The following SMAD4 variants were observed in gnomAD, a reference collection of about 807,000 sequenced individuals.
The protein encoded by SMAD4 is MAD homolog 4.
In SMAD4, 7 loss-of-function variants were observed where a neutral mutation model predicts 63.2. That is an observed-to-expected ratio of 0.11 (90% CI 0.06 to 0.21). SMAD4 has a LOEUF of 0.21. Among genes scored for constraint, SMAD4 ranks in the 10% least tolerant of loss-of-function variants. The pLI, the probability that SMAD4 is intolerant of heterozygous loss-of-function variation, is 1.00. For missense variants in SMAD4, 312 were observed against 693.8 expected (o/e 0.45, Z 6.18); for synonymous variants, 215 against 235.4 (o/e 0.91, Z 0.79).
rs1163325479 is a variant in SMAD4 at position 51,048,724 on chromosome 18, C to T, written c.288C>T (p.Ala96=). 1.9e-6 allele frequency: 3 copies of T among 1,613,972 alleles called. No individual in the cohort carries two copies. The South Asian group carries it at 3.3e-5, about 18-fold the overall frequency. The change falls in exon 3 of 12, where the codon GCC becomes GCT. Residue 96 remains alanine, a synonymous_variant. Transcript: ENST00000342988. ...AAGGATTTCCTCATGTGATCTATGC[C>T]CGTCTCTGGAGGTGGCCTGATCTTC... ...GRKGFPHVIY[A]RLWRWPDLHK...
intron 1 of SMAD4, among the ~76,000 whole-genome samples, chr18:51,042,316 CCTCCCTCCCTCCCTCT>C (rs1488533205): frequency 3.3e-5 from 3 of 91,980 alleles, no homozygotes; most frequent in South Asian, 3.9e-4. Context: ...TCCCTCCCTC[CCTCCCTCCCTCCCTCT>C]CTCCCTCTCT....
intron 1 of SMAD4, among the ~76,000 whole-genome samples, chr18:51,033,709 T>C (rs1305495098): frequency 1.3e-5 from 2 of 152,224 alleles, no homozygotes; most frequent in Non-Finnish European, 2.9e-5. Flanking sequence ...TTGTTTTCTC[T>C]TTCTAAAATG....
intron 10 of SMAD4, among the ~76,000 whole-genome samples, chr18:51,068,783 T>G (rs1351309059): frequency 6.6e-6 from 1 of 151,866 alleles, no homozygotes; most frequent in Non-Finnish European, 1.5e-5. Flanking sequence ...TAGCTGGGTG[T>G]GGTGGTGCAT....
chr18:51,043,128 G>A (rs981870839), intron 1 of SMAD4, among the ~76,000 whole-genome samples: 6 of 152,096 alleles, frequency 3.9e-5, no homozygotes, highest in Non-Finnish European at 5.9e-5. Flanking sequence ...TTCAAAATAT[G>A]TTTAAGTAGT....
intron 1 of SMAD4, among the ~76,000 whole-genome samples, chr18:51,031,836 A>G (rs1242068429): frequency 6.6e-6 from 1 of 152,176 alleles, no homozygotes; most frequent in Non-Finnish European, 1.5e-5. Context: ...CATACCCTGC[A>G]GAGACTAGAT....
At chr18:51,045,137 A>T (rs1412700827) in intron 1 of SMAD4, 1 of 152,220 alleles carries the variant, frequency 6.6e-6, no homozygotes, top group African/African-American at 2.4e-5. Flanking sequence ...TGAGGTAAAG[A>T]ATCTTGTAAC....
At chr18:51,070,883 T>C (rs1231022064) in intron 10 of SMAD4, among the ~76,000 whole-genome samples, 1 of 152,182 alleles carries the variant, frequency 6.6e-6, no homozygotes, top group African/African-American at 2.4e-5. Flanking sequence ...GTAATGATGC[T>C]GGGATATTGT....
chr18:51,037,450 C>T (rs1027014722), intron 1 of SMAD4, among the ~76,000 whole-genome samples: 1 of 152,170 alleles, frequency 6.6e-6, no homozygotes, highest in Non-Finnish European at 1.5e-5. Flanking sequence ...TTTAAAATGA[C>T]TCTAGGCAGT....
chr18:51,069,794 T>G (rs1599199003), intron 10 of SMAD4, among the ~76,000 whole-genome samples: 1 of 152,216 alleles, frequency 6.6e-6, no homozygotes. Flanking sequence ...TATGGGCAGG[T>G]GCCCACTTGT....
chr18:51,066,851 G>A (rs1363699266), intron 9 of SMAD4, 168 bp from the exon 10 acceptor site: 1 of 607,132 alleles, frequency 1.6e-6, no homozygotes, highest in East Asian at 2.9e-5. Flanking sequence ...TATTAGATAT[G>A]AACAGGAAAA....
intron 5 of SMAD4, among the ~76,000 whole-genome samples, chr18:51,057,784 T>C (rs1909881755): frequency 6.6e-6 from 1 of 152,224 alleles, no homozygotes; most frequent in Admixed American, 6.5e-5. Context: ...GAGAGGTGGA[T>C]GGAGTGGCCA....
chr18:51,073,388 T>TATATATATATATATATATACACACAC (rs1417299090), intron 10 of SMAD4, among the ~76,000 whole-genome samples: 1 of 64,186 alleles, frequency 1.6e-5, no homozygotes, highest in African/African-American at 7.6e-5. Context: ...TATATATATA[T>TATATATATATATATATATACACACAC]ACACACACAC....
chr18:51,065,530 G>A lies in SMAD4; in HGVS notation c.1063G>A (p.Asp355Asn), dbSNP rs2144447235. 6.2e-7 allele frequency: 1 copy of A among 1,614,164 alleles called. No individual in the cohort carries two copies. The highest frequency in any genetic ancestry group is 8.5e-7 in the Non-Finnish European group (1 of 1,180,006). ...CPIVTVDGYVDPSGGDRFCLG... is the reference protein window; with the variant it reads ...CPIVTVDGYVNPSGGDRFCLG... ...TATTGTTACTGTTGATGGATACGTG[G>A]ACCCTTCTGGAGGAGATCGCTTTTG... Residue 355 changes from aspartate to asparagine, a missense_variant, in exon 9 of 12, where the codon GAC (aspartate) becomes AAC (asparagine). Coordinates refer to ENST00000342988, the MANE Select transcript of SMAD4 (RefSeq NM_005359.6).
At chr18:51,032,750 C>A (rs1909088381) in intron 1 of SMAD4, among the ~76,000 whole-genome samples, 1 of 152,130 alleles carries the variant, frequency 6.6e-6, no homozygotes, top group Admixed American at 6.5e-5. Context: ...GTGTGAGTTA[C>A]TGAGGCCTCT....
intron 4 of SMAD4, chr18:51,052,573 T>A: frequency 4.2e-6 from 1 of 239,500 alleles, no homozygotes; most frequent in Non-Finnish European, 8.6e-6. Context: ...GTTTGGTATC[T>A]GTTTTTCTGG....
At chr18:51,074,439 A>C (rs1483351364) in intron 10 of SMAD4, among the ~76,000 whole-genome samples, 1 of 152,246 alleles carries the variant, frequency 6.6e-6, no homozygotes, top group East Asian at 1.9e-4. Flanking sequence ...AAAGGTGTTC[A>C]GCATCATAAA....
At chr18:51,049,751 C>G (rs1318925033) in intron 4 of SMAD4, among the ~76,000 whole-genome samples, 1 of 152,084 alleles carries the variant, frequency 6.6e-6, no homozygotes, top group Admixed American at 6.5e-5. Context: ...TCATTTCAGC[C>G]TAACATTTTT....
At chr18:51,030,824 C>T (rs1909025160) in intron 1 of SMAD4, among the ~76,000 whole-genome samples, 1 of 151,612 alleles carries the variant, frequency 6.6e-6, no homozygotes, top group African/African-American at 2.4e-5. Flanking sequence ...GGCGGTGCCT[C>T]GCGTCCCTCG....
chr18:51,040,338 C>T (rs1003792392), intron 1 of SMAD4, among the ~76,000 whole-genome samples: 5 of 151,690 alleles, frequency 3.3e-5, no homozygotes, highest in African/African-American at 4.8e-5. Flanking sequence ...GCAGGAGAAT[C>T]GCTTGAACCC....
Sources: gnomAD v4.1 joint callset for allele counts (sites outside exome capture counted in the v4.1 genomes callset) on GRCh38, gnomAD v4.1.1 for gene constraint, MANE v1.5 for transcripts, NCBI Gene and HGNC (gene_info 2026-07-23, HGNC 2026-07-21) for gene names.